Variants in ZNRF1 observed in about 807,000 individuals in gnomAD.
ZNRF1 encodes zinc and ring finger 1.
ZNRF1 carries 3 observed loss-of-function variants against 18.4 expected under a neutral mutation model. That is an observed-to-expected ratio of 0.16 (90% confidence interval 0.07 to 0.42). ZNRF1 has a LOEUF of 0.42. ZNRF1 is among the 10% of genes least tolerant of loss of function. The pLI is 0.99. For synonymous variants in ZNRF1, 157 were observed against 144.2 expected (o/e 1.09, Z -0.64); for missense variants, 310 against 329.8 (o/e 0.94, Z 0.47).
intron 1 of ZNRF1, among the ~76,000 whole-genome samples, chr16:75,052,155 T>G (rs2035614872): frequency 6.6e-6 from 1 of 152,156 alleles, no homozygotes; most frequent in Admixed American, 6.5e-5. Flanking sequence ...TTCCAGCACT[T>G]TGGGAGGCCA....
chr16:75,085,058 A>G (rs1298910164), intron 1 of ZNRF1, among the ~76,000 whole-genome samples: 1 of 152,194 alleles, frequency 6.6e-6, no homozygotes, highest in Non-Finnish European at 1.5e-5. Context: ...AAATTTGCAG[A>G]CAATGAAATC....
At chr16:75,000,473 A>G (rs975295307) in intron 1 of ZNRF1, 5 of 402,696 alleles carry the variant, frequency 1.2e-5, no homozygotes, top group African/African-American at 2.1e-5. Flanking sequence ...TAACGGAGAG[A>G]TGGAGCCAGT....
chr16:75,007,344 G>A (rs886093629), intron 1 of ZNRF1, among the ~76,000 whole-genome samples: 1 of 152,102 alleles, frequency 6.6e-6, no homozygotes, highest in African/African-American at 2.4e-5. Flanking sequence ...TGTCAGCGAC[G>A]ATGCCAGACC....
intron 1 of ZNRF1, among the ~76,000 whole-genome samples, chr16:75,058,249 T>G (rs1411048546): frequency 1.3e-5 from 2 of 152,096 alleles, no homozygotes; most frequent in Non-Finnish European, 2.9e-5. Flanking sequence ...TACAAGCATG[T>G]GCCACAATGG....
intron 1 of ZNRF1, among the ~76,000 whole-genome samples, chr16:75,034,326 C>T (rs1445039588): frequency 2.6e-5 from 4 of 152,124 alleles, no homozygotes; most frequent in East Asian, 1.9e-4. Flanking sequence ...CCTCAGCAAC[C>T]GCCATTTTAT....
chr16:75,066,876 T>G (rs963173881), intron 1 of ZNRF1, among the ~76,000 whole-genome samples: 6 of 152,170 alleles, frequency 3.9e-5, no homozygotes, highest in African/African-American at 9.7e-5. Flanking sequence ...TCAGTAACTG[T>G]GGGGTAACAA....
chr16:75,018,050 A>G (rs971472750), intron 1 of ZNRF1, among the ~76,000 whole-genome samples: 1 of 152,204 alleles, frequency 6.6e-6, no homozygotes, highest in African/African-American at 2.4e-5. Flanking sequence ...AACAATAATA[A>G]CAGTGTCTAT....
chr16:75,030,179 C>G (rs1005106156), intron 1 of ZNRF1, among the ~76,000 whole-genome samples: 2 of 151,968 alleles, frequency 1.3e-5, no homozygotes, highest in Non-Finnish European at 2.9e-5. Flanking sequence ...ACAACCATCA[C>G]CACATTTACC....
intron 1 of ZNRF1, among the ~76,000 whole-genome samples, chr16:75,017,718 T>C (rs986588927): frequency 6.6e-6 from 1 of 152,246 alleles, no homozygotes; most frequent in Non-Finnish European, 1.5e-5. Flanking sequence ...TGCCACTCTC[T>C]GCTCCCAAGG....
intron 1 of ZNRF1, among the ~76,000 whole-genome samples, chr16:75,057,355 A>T (rs1183755738): frequency 3.3e-5 from 5 of 152,152 alleles, no homozygotes; most frequent in Non-Finnish European, 7.3e-5. Flanking sequence ...AGGTTTGATC[A>T]ACACTTGGAG....
At chr16:75,018,764 T>A (rs1313208823) in intron 1 of ZNRF1, among the ~76,000 whole-genome samples, 3 of 152,206 alleles carry the variant, frequency 2.0e-5, no homozygotes, top group Admixed American at 6.5e-5. Context: ...GATGTATTTT[T>A]TTAATACATT....
intron 2 of ZNRF1, among the ~76,000 whole-genome samples, chr16:75,094,002 G>T (rs1023368193): frequency 1.3e-5 from 2 of 152,214 alleles, no homozygotes; most frequent in African/African-American, 4.8e-5. Context: ...CTTGACTGTG[G>T]AAGGCCCCAA....
chr16:75,034,126 C>A (rs760767526), intron 1 of ZNRF1, among the ~76,000 whole-genome samples: 1 of 152,170 alleles, frequency 6.6e-6, no homozygotes, highest in Non-Finnish European at 1.5e-5. Context: ...CCACTGCACC[C>A]CAGCCTCGCG....
chr16:75,097,705 T>A (rs1438908015), intron 2 of ZNRF1, among the ~76,000 whole-genome samples: 1 of 152,138 alleles, frequency 6.6e-6, no homozygotes, highest in Non-Finnish European at 1.5e-5. Context: ...TAGTTCCAAC[T>A]TCTCAGGAGG....
intron 1 of ZNRF1, among the ~76,000 whole-genome samples, chr16:75,087,700 G>C (rs1422804587): frequency 6.6e-6 from 1 of 152,176 alleles, no homozygotes; most frequent in Non-Finnish European, 1.5e-5. Flanking sequence ...GAACATACTG[G>C]CAGAAAAGGA....
At chr16:75,007,888 A>G (rs1050343356) in intron 1 of ZNRF1, among the ~76,000 whole-genome samples, 2 of 151,954 alleles carry the variant, frequency 1.3e-5, no homozygotes, top group African/African-American at 4.8e-5. Flanking sequence ...TCTTTAGAGA[A>G]AGGTTTTTCT....
intron 1 of ZNRF1, among the ~76,000 whole-genome samples, chr16:75,016,156 G>A (rs1019952719): frequency 4.0e-5 from 6 of 151,574 alleles, no homozygotes; most frequent in Non-Finnish European, 8.8e-5. Flanking sequence ...TCCTGACCTC[G>A]TGACCCGTCC....
chr16:75,106,803 G>A (rs898987659), intron 4 of ZNRF1: 3 of 477,558 alleles, frequency 6.3e-6, no homozygotes, highest in East Asian at 4.0e-5. Context: ...GAAGAGTTAG[G>A]ATCAGTTGGG....
intron 1 of ZNRF1, among the ~76,000 whole-genome samples, chr16:75,084,186 A>G (rs2036048446): frequency 6.6e-6 from 1 of 152,242 alleles, no homozygotes; most frequent in African/African-American, 2.4e-5. Context: ...CATTGGCCAA[A>G]GCAAATCACA....
Sources: gnomAD v4.1 joint callset for allele counts (sites outside exome capture counted in the v4.1 genomes callset) on GRCh38, gnomAD v4.1.1 for gene constraint, MANE v1.5 for transcripts, NCBI Gene and HGNC (gene_info 2026-07-23, HGNC 2026-07-21) for gene names.